The following C4orf50 variants were observed in gnomAD, a reference collection of about 807,000 sequenced individuals.
The protein encoded by C4orf50 is uncharacterized protein C4orf50.
A neutral mutation model predicts 77.2 loss-of-function variants in C4orf50; 80 were observed. That is an observed-to-expected ratio of 1.04 (90% confidence interval 0.87 to 1.25). The LOEUF (loss-of-function observed/expected upper bound fraction) is 1.25. C4orf50 is among the 50% of genes most tolerant of loss of function. The probability of loss-of-function intolerance (pLI) is 0.00; values close to 1 mark genes in which losing one functional copy is unlikely to be tolerated. For missense variants in C4orf50, 1,257 were observed against 1,152.9 expected, an observed-to-expected ratio of 1.09 and a Z score of -1.31; for synonymous variants, 532 against 465.3, an observed-to-expected ratio of 1.14 and a Z score of -1.84.
chr4:5,899,677 G>C (rs886489091), intron 7 of C4orf50: 1 of 152,188 alleles, frequency 6.6e-6, no homozygotes, highest in Non-Finnish European at 1.5e-5. Context: ...AACTTAAATA[G>C]CACAGGGAAT....
intron 25 of C4orf50, among the ~76,000 whole-genome samples, chr4:6,006,597 C>T (rs937302525): frequency 6.6e-6 from 1 of 152,208 alleles, no homozygotes; most frequent in Admixed American, 6.5e-5. Context: ...TTTGCAAACA[C>T]CCAGTATGGA....
At position 5,901,998 on chromosome 4, in the gene C4orf50, G is replaced by A. The variant is rs1023059324; in HGVS notation, c.*2475-3810C>T. On this transcript the variant is annotated intron_variant, in intron 7 of 7. Transcript: ENST00000324058. This position sits in a 1 kb window ranked among gnomAD's most constrained non-coding sequence, Gnocchi z 4.4. ...CTTACGCGGAAGCCCACCCACCAGGGCAGCAATTTGGCCTACTCTGTTCTC... is the reference window on the plus strand; with the variant it reads ...CTTACGCGGAAGCCCACCCACCAGGACAGCAATTTGGCCTACTCTGTTCTC... 1.3e-5 allele frequency: 2 copies of A among 152,266 alleles called. No individual in the cohort carries two copies. The highest frequency in any genetic ancestry group is 4.8e-5 in the African/African-American group (2 of 41,452). The allele number at this position is 152,266 out of a possible 1,614,324, so 9.4% of individuals were successfully genotyped here.
chr4:5,942,993 T>C (rs1718327011), intron 7 of C4orf50, among the ~76,000 whole-genome samples: 2 of 152,260 alleles, frequency 1.3e-5, no homozygotes, highest in African/African-American at 2.4e-5. Context: ...TTAATTTTTA[T>C]AAGCAGAAAA....
At chr4:5,975,263 G>T (rs66538767) in intron 30 of C4orf50, among the ~76,000 whole-genome samples, 35,852 of 150,766 alleles carry the variant, frequency 0.24, 4,450 homozygotes, top group Middle Eastern at 0.27. Flanking sequence ...GCGCAGGGGT[G>T]GTGATTTTAT....
intron 31 of C4orf50, among the ~76,000 whole-genome samples, chr4:5,968,827 A>G (rs573189708): frequency 6.6e-6 from 1 of 152,248 alleles, no homozygotes; most frequent in East Asian, 1.9e-4. Context: ...GCCTTCGTAG[A>G]GGATACACCG....
chr4:5,980,478 G>C (rs115036662), intron 28 of C4orf50, 140 bp from the exon 7 acceptor site: 10,221 of 722,352 alleles, frequency 0.014, 127 homozygotes, highest in Middle Eastern at 0.033. Context: ...TTCTCTTACA[G>C]TAAGTTTTAG....
chr4:5,993,332 G>T (rs533709282), intron 26 of C4orf50, among the ~76,000 whole-genome samples: 6 of 152,194 alleles, frequency 3.9e-5, no homozygotes, highest in African/African-American at 1.2e-4. Flanking sequence ...CCCCAGAAAT[G>T]AGATAAAGGG....
At chr4:6,012,047 AATTATT>A in intron 23 of C4orf50, 79 bp from the exon 2 acceptor site, 1 of 398,506 alleles carries the variant, frequency 2.5e-6, no homozygotes, top group Non-Finnish European at 4.4e-6. Flanking sequence ...ACCAGGGCCA[AATTATT>A]ATTATTATTG....
chr4:5,980,321 G>A (rs370063997), exon 29 of C4orf50: 34 of 1,610,590 alleles, frequency 2.1e-5, no homozygotes, highest in African/African-American at 6.7e-5. Context: ...CAGTAACCTC[G>A]GCCTCTGAGT....
chr4:6,008,107 C>G lies in C4orf50; in HGVS notation c.852G>C (p.Gly284=), dbSNP rs1722319309. ...GCAGGCCAATCTCTGACAGCTTCAG[C>G]CCATAGATGCAGCAGCGCAGCTCCT... The change falls in exon 25 of 34, where the codon GGG becomes GGC. Residue 284 remains glycine (G), a synonymous_variant. Coordinates refer to ENST00000531445, the Ensembl canonical transcript of C4orf50. The surrounding 1 kb of genome is among the most constrained non-coding windows in gnomAD (Gnocchi z 6.0). The G allele has an allele frequency of 5.0e-6, 2 of 399,130 alleles. No individual in the cohort carries two copies. Among genetic ancestry groups the G allele is most frequent in the East Asian group, 7.1e-5 (2 of 28,070 alleles). 24.7% of individuals were successfully genotyped at this position (399,130 alleles called of 1,614,324 possible).
At chr4:5,911,262 C>G (rs73065550) in intron 7 of C4orf50, among the ~76,000 whole-genome samples, 1,895 of 152,226 alleles carry the variant, frequency 0.012, 31 homozygotes, top group African/African-American at 0.043. Flanking sequence ...CTTCTCAAAA[C>G]CAGAACCCCC....
At chr4:5,922,248 G>A (rs1225440139) in intron 7 of C4orf50, among the ~76,000 whole-genome samples, 2 of 152,238 alleles carry the variant, frequency 1.3e-5, no homozygotes, top group Admixed American at 6.5e-5. Context: ...TGATGCACGG[G>A]GACAGAGGAT....
intron 30 of C4orf50, among the ~76,000 whole-genome samples, chr4:5,974,895 T>A (rs1157724712): frequency 6.6e-6 from 1 of 151,980 alleles, no homozygotes; most frequent in Non-Finnish European, 1.5e-5. Context: ...TCCCAGCACT[T>A]TGGGAGGCCA....
Position 6,011,022 on chromosome 4 carries a change from G to C in C4orf50, c.426+808C>G, listed in dbSNP as rs1356062336. Among the ~76,000 whole-genome samples the C allele has an allele frequency of 1.3e-5, 2 of 152,160 alleles. No homozygotes were observed. The highest frequency in any genetic ancestry group is 3.9e-4 in the East Asian group (2 of 5,190). On this transcript the variant is annotated intron_variant, in intron 24 of 33. Transcript: ENST00000531445. This position sits in a 1 kb window ranked among gnomAD's most constrained non-coding sequence, Gnocchi z 4.2. ...AAGGTCACACAGCTATCGAGTGGCA[G>C]AGCCAGGGTTTGGCTCCAGGCCTCT...
At position 6,015,010 on chromosome 4, in the gene C4orf50, G is replaced by C. The variant is rs115792682; in HGVS notation, c.288-3042C>G. ...GGAGTTCCCTGCCTGTCTTCCTGGGGTCCATTGATCTTCTGGTTTCCACCA... is the reference window on the plus strand; with the variant it reads ...GGAGTTCCCTGCCTGTCTTCCTGGGCTCCATTGATCTTCTGGTTTCCACCA... On this transcript the variant is annotated intron_variant, in intron 23 of 33. Transcript: ENST00000531445. The surrounding 1 kb of genome is among the most constrained non-coding windows in gnomAD (Gnocchi z 4.4). 0.02 allele frequency among the ~76,000 whole-genome samples: 2,994 copies of C among 152,178 alleles called. 40 individuals are homozygous for C. The highest frequency in any genetic ancestry group is 0.032 in the Non-Finnish European group (2,206 of 68,022).
intron 7 of C4orf50, among the ~76,000 whole-genome samples, chr4:5,933,909 G>C: frequency 6.6e-6 from 1 of 152,090 alleles, no homozygotes; most frequent in South Asian, 2.1e-4. Flanking sequence ...GGGAGGAGGA[G>C]GTCAGGAGAG....
chr4:5,966,525 C>G (rs1015442000), intron 32 of C4orf50, among the ~76,000 whole-genome samples: 2 of 151,720 alleles, frequency 1.3e-5, no homozygotes, highest in African/African-American at 4.8e-5. Context: ...AAAAAAAGCA[C>G]TCATGTTACC....
At chr4:5,902,463 C>A (rs1205967131) in intron 7 of C4orf50, 2 of 152,210 alleles carry the variant, frequency 1.3e-5, no homozygotes, top group Non-Finnish European at 2.9e-5. Context: ...GATGTTACAT[C>A]TCTTCCTGGG....
intron 24 of C4orf50, among the ~76,000 whole-genome samples, chr4:6,010,942 A>G (rs1161098215): frequency 6.6e-6 from 1 of 152,212 alleles, no homozygotes; most frequent in Non-Finnish European, 1.5e-5. Context: ...GTACTATATC[A>G]TTCCCACTTC....
Sources: gnomAD v4.1 joint callset for allele counts (sites outside exome capture counted in the v4.1 genomes callset) on GRCh38, gnomAD v4.1.1 for gene constraint, Gnocchi (gnomAD v3.1) non-coding constraint, MANE v1.5 for transcripts, NCBI Gene and HGNC (gene_info 2026-07-23, HGNC 2026-07-21) for gene names.